The following THADA variants were observed in gnomAD, a reference collection of about 807,000 sequenced individuals.
THADA encodes tRNA (32-2'-O)-methyltransferase regulator THADA.
Under a neutral mutation model 219.8 loss-of-function variants are expected in THADA, and 213 were observed. That is an observed-to-expected ratio of 0.97 (90% confidence interval 0.87 to 1.09). THADA has a LOEUF of 1.09. Among genes scored for constraint, THADA ranks in the 50% least tolerant of loss-of-function variants. The pLI is 0.00. For synonymous variants in THADA, 1,018 were observed against 828.9 expected (o/e 1.23, Z -3.92); for missense variants, 2,956 against 2,311.3 (o/e 1.28, Z -5.72).
At chr2:43,432,114 C>T in intron 26 of THADA, among the ~76,000 whole-genome samples, 1 of 139,608 alleles carries the variant, frequency 7.2e-6, no homozygotes, top group South Asian at 2.3e-4. Flanking sequence ...CCTCGGCCTC[C>T]CAAAGTGCTG....
chr2:43,491,167 A>G (rs927760757), intron 25 of THADA, among the ~76,000 whole-genome samples: 1 of 152,208 alleles, frequency 6.6e-6, no homozygotes, highest in Non-Finnish European at 1.5e-5. Flanking sequence ...AACAAGGAGG[A>G]AACTGAAGTA....
At chr2:43,252,705 C>T (rs1001248325) in intron 36 of THADA, among the ~76,000 whole-genome samples, 6 of 152,194 alleles carry the variant, frequency 3.9e-5, no homozygotes, top group Non-Finnish European at 8.8e-5. Context: ...TGATGATCTT[C>T]CTAGTCCCCA....
At chr2:43,250,975 A>G (rs1669752930) in intron 36 of THADA, among the ~76,000 whole-genome samples, 1 of 152,154 alleles carries the variant, frequency 6.6e-6, no homozygotes, top group South Asian at 2.1e-4. Flanking sequence ...AGGTGAACAG[A>G]GGGGTTAAAA....
At chr2:43,486,395 A>G (rs1163830070) in intron 25 of THADA, 2 of 152,112 alleles carry the variant, frequency 1.3e-5, no homozygotes. Context: ...GGCTTCCTCA[A>G]TTACTCTGTA....
At chr2:43,435,621 A>G (rs1679990040) in intron 26 of THADA, among the ~76,000 whole-genome samples, 1 of 151,756 alleles carries the variant, frequency 6.6e-6, no homozygotes, top group Non-Finnish European at 1.5e-5. Flanking sequence ...TGTCTGTACT[A>G]AAAATACAAA....
intron 24 of THADA, among the ~76,000 whole-genome samples, chr2:43,501,307 C>CAAAAAAAAAAAAA (rs60448094): frequency 4.7e-4 from 7 of 15,052 alleles, no homozygotes; most frequent in Non-Finnish European, 5.3e-4. Context: ...ACTCCAACTC[C>CAAAAAAAAAAAAA]AAAAAAAAAA....
intron 28 of THADA, among the ~76,000 whole-genome samples, chr2:43,416,099 T>C (rs1402626621): frequency 6.6e-5 from 10 of 152,246 alleles, no homozygotes; most frequent in Non-Finnish European, 1.5e-4. Context: ...AAGTCAATTT[T>C]ACTTTTCATT....
intron 21 of THADA, among the ~76,000 whole-genome samples, chr2:43,529,146 T>C (rs911274251): frequency 6.6e-6 from 1 of 151,606 alleles, no homozygotes; most frequent in Non-Finnish European, 1.5e-5. Flanking sequence ...ATAACAAATA[T>C]GACTTTTTTT....
Position 43,572,898 on chromosome 2 carries a change from T to A in THADA, c.1824A>T (p.Gly608=), listed in dbSNP as rs762506629. Residue 608 remains glycine (G), a synonymous_variant, in exon 12 of 38, where the codon GGA becomes GGT. Transcript: ENST00000405975. ...MACLRIARAH[G]HLQSATDTWE... ...AGGTATCAGTTGCAGACTGAAGATG[T>A]CCATGAGCTCTAGCTATTCGCAGAC... The A allele has an allele frequency of 5.6e-6, 9 of 1,613,938 alleles. No individual in the cohort carries two copies. Among genetic ancestry groups the A allele is most frequent in the Non-Finnish European group, 2.5e-6 (3 of 1,179,852 alleles).
At chr2:43,499,048 ATTTAC>A in intron 24 of THADA, 93 bp from the exon 25 acceptor site, 1 of 1,293,416 alleles carries the variant, frequency 7.7e-7, no homozygotes, top group Non-Finnish European at 1.0e-6. Flanking sequence ...AAAACAAAAA[ATTTAC>A]TGAATTACAA....
chr2:43,230,996 A>C lies in THADA; in HGVS notation c.5814T>G (p.Tyr1938Ter), dbSNP rs1369397842. ...GAAGAGTTAACTGCCTCGATTCTGC[A>C]TAAGAGTCCCAAACACTGAGAACTA... ...DTLVLSVWDS[Y>*]AESRQLTLPR... Residue 1938 changes from tyrosine to a stop codon, truncating the protein, a stop_gained, in exon 38 of 38, where the codon TAT becomes TAG. Coordinates refer to ENST00000405975, the MANE Select transcript of THADA (RefSeq NM_022065.5). LOFTEE classifies it high-confidence loss of function. The C allele has an allele frequency of 2.5e-6, 4 of 1,613,768 alleles. No individual in the cohort carries two copies. Among genetic ancestry groups the C allele is most frequent in the East Asian group, 4.5e-5 (2 of 44,896 alleles).
rs147071159 is a variant in THADA, at chr2:43,554,070, A to G, written c.2675-1731T>C. Among the ~76,000 whole-genome samples the G allele has an allele frequency of 2.0e-3, 301 of 152,208 alleles. 3 individuals are homozygous for G. Among genetic ancestry groups the G allele is most frequent in the African/African-American group, 6.1e-3 (255 of 41,532 alleles). On this transcript the variant is annotated intron_variant, in intron 17 of 37. Transcript: ENST00000405975. ...ATACCCCATTTTTCAGGCTTTTTCA[A>G]TTTCTTAATGGCATCCTTTCACATA...
chr2:43,269,426 C>T (rs955821077), intron 36 of THADA, among the ~76,000 whole-genome samples: 2 of 152,234 alleles, frequency 1.3e-5, no homozygotes, highest in African/African-American at 2.4e-5. Context: ...AGCCAGGGTA[C>T]TCACTGGCAC....
intron 25 of THADA, among the ~76,000 whole-genome samples, chr2:43,487,042 C>G (rs889809859): frequency 1.3e-5 from 2 of 152,194 alleles, no homozygotes; most frequent in Non-Finnish European, 2.9e-5. Context: ...TGAACAGATT[C>G]ACTTACGTTC....
At position 43,534,980 on chromosome 2, in the gene THADA, CT is replaced by C. The variant is rs139395713; in HGVS notation, c.3264+6178del. 2.4e-3 allele frequency among the ~76,000 whole-genome samples: 366 copies of C among 152,152 alleles called. 2 individuals are homozygous for C. Among genetic ancestry groups the C allele is most frequent in the Middle Eastern group, 0.01 (3 of 292 alleles). ...CCCACCAATAGGGTGTAAGAGTTCC[CT>C]TTTCTCCACATTCCTGCCATCATTT... On this transcript the variant is annotated intron_variant, in intron 21 of 37. Coordinates refer to ENST00000405975, the MANE Select transcript of THADA (RefSeq NM_022065.5).
At chr2:43,592,990 C>T (rs994117443) in intron 1 of THADA, 1 of 152,044 alleles carries the variant, frequency 6.6e-6, no homozygotes. Flanking sequence ...CTAAACAACC[C>T]AACTCAGAGA....
At chr2:43,429,776 G>C (rs4268970) in intron 27 of THADA, among the ~76,000 whole-genome samples, 2 of 151,476 alleles carry the variant, frequency 1.3e-5, no homozygotes, top group East Asian at 1.9e-4. Flanking sequence ...ATAAAGACAG[G>C]ATTTTACATA....
At chr2:43,274,360 T>G (rs1672473269) in intron 36 of THADA, among the ~76,000 whole-genome samples, 1 of 152,170 alleles carries the variant, frequency 6.6e-6, no homozygotes, top group South Asian at 2.1e-4. Context: ...TCTGCCTGCT[T>G]GTTCTGAAGC....
intron 22 of THADA, among the ~76,000 whole-genome samples, chr2:43,514,450 T>C (rs920294781): frequency 1.6e-4 from 23 of 142,724 alleles, no homozygotes; most frequent in Admixed American, 7.5e-4. Flanking sequence ...GACCCTGTCT[T>C]AAAAAATATA....
Sources: gnomAD v4.1 joint callset for allele counts (sites outside exome capture counted in the v4.1 genomes callset) on GRCh38, gnomAD v4.1.1 for gene constraint, MANE v1.5 for transcripts, NCBI Gene and HGNC (gene_info 2026-07-23, HGNC 2026-07-21) for gene names.